The following ANKRD16 variants were observed in gnomAD, a reference collection of about 807,000 sequenced individuals.
ANKRD16 encodes ankyrin repeat domain 16.
In ANKRD16, 35 loss-of-function variants were observed where a neutral mutation model predicts 37.9. That is an observed-to-expected ratio of 0.92 (90% confidence interval 0.71 to 1.23). The LOEUF (loss-of-function observed/expected upper bound fraction) is 1.23, where lower values mean the gene tolerates loss of function less well. Among genes scored for constraint, ANKRD16 ranks in the 50% most tolerant of loss-of-function variants. The pLI is 0.00. For missense variants in ANKRD16, 480 were observed against 469.9 expected (o/e 1.02, Z -0.20); for synonymous variants, 206 against 197.2 (o/e 1.04, Z -0.37).
intron 1 of ANKRD16, among the ~76,000 whole-genome samples, chr10:5,888,520 A>G (rs1842494808): frequency 6.6e-6 from 1 of 152,200 alleles, no homozygotes; most frequent in Non-Finnish European, 1.5e-5. Flanking sequence ...ACGAAATGCA[A>G]TTGGCTTGTG....
intron 3 of ANKRD16, among the ~76,000 whole-genome samples, chr10:5,884,319 T>C (rs1351671172): frequency 6.6e-6 from 1 of 152,204 alleles, no homozygotes; most frequent in Non-Finnish European, 1.5e-5. Flanking sequence ...CAGCACTTGG[T>C]CTCTTCAGCT....
At chr10:5,873,720 C>T (rs1842140016) in intron 7 of ANKRD16, among the ~76,000 whole-genome samples, 1 of 152,152 alleles carries the variant, frequency 6.6e-6, no homozygotes, top group Admixed American at 6.6e-5. Context: ...AGCACCCTCC[C>T]TATAGTTCCC....
At chr10:5,884,903 T>C (rs1842391491) in intron 3 of ANKRD16, among the ~76,000 whole-genome samples, 1 of 152,210 alleles carries the variant, frequency 6.6e-6, no homozygotes, top group South Asian at 2.1e-4. Flanking sequence ...TATTGCTGTC[T>C]GGAATGGTCC....
chr10:5,872,157 T>G (rs1373613716), intron 7 of ANKRD16, among the ~76,000 whole-genome samples: 1 of 136,286 alleles, frequency 7.3e-6, no homozygotes, highest in Non-Finnish European at 1.6e-5. Flanking sequence ...TCACAAAGTT[T>G]TAAAGAGCAT....
intron 5 of ANKRD16, chr10:5,881,141 CT>C (rs1196363834): frequency 6.2e-5 from 55 of 893,570 alleles, no homozygotes; most frequent in Non-Finnish European, 7.2e-5. Flanking sequence ...ATTCTCAATT[CT>C]AATATAAATC....
intron 7 of ANKRD16, among the ~76,000 whole-genome samples, chr10:5,872,757 C>A (rs140869655): frequency 2.6e-5 from 4 of 151,854 alleles, no homozygotes; most frequent in East Asian, 2.0e-4. Flanking sequence ...GGGATTTCAC[C>A]GTGTTAGCCA....
At position 5,887,917 on chromosome 10, in the gene ANKRD16, G is replaced by C. The variant is rs148866244; in HGVS notation, c.465C>G (p.Tyr155Ter). 2 of 1,614,186 alleles carry C rather than the reference G, an allele frequency of 1.2e-6. No homozygotes were observed. The highest frequency in any genetic ancestry group is 1.7e-6 in the Non-Finnish European group (2 of 1,180,014). ...SREGDPLILQ[Y>*]LLTVCPGAWK... The stretch of plus-strand genomic sequence containing the variant: ...AGGCACCTGGGCAAACAGTGAGCAG[G>C]TACTGGAGGATCAGAGGGTCGCCTT... Residue 155 changes from tyrosine (Y) to a stop codon, truncating the protein, a stop_gained, in exon 2 of 8, where the codon TAC (tyrosine) becomes TAG (stop). Coordinates refer to ENST00000380094, the MANE Select transcript of ANKRD16 (RefSeq NM_019046.3). LOFTEE classifies it high-confidence loss of function.
rs190530338 is a variant in ANKRD16, at chr10:5,878,115, C to A, written c.*15G>T. 4.3e-6 allele frequency: 7 copies of A among 1,610,134 alleles called. No homozygotes were observed. In the Admixed American group the frequency reaches 1.2e-4, roughly 27 times the overall value. On this transcript the variant is annotated 3_prime_UTR_variant, in exon 7 of 8. Coordinates refer to ENST00000380094, the MANE Select transcript of ANKRD16 (RefSeq NM_019046.3). The surrounding 1 kb of genome is among the most constrained non-coding windows in gnomAD (Gnocchi z 5.1). The stretch of plus-strand genomic sequence containing the variant: ...GAATTACCATGCACTTTATTGCCTC[C>A]TCTTGGAAACATCCTTATGTCATTG...
Position 5,865,352 on chromosome 10 carries a change from G to A in ANKRD16, c.*34-2661C>T, listed in dbSNP as rs1234034387. On this transcript the variant is annotated intron_variant, in intron 7 of 7. Transcript: ENST00000380094. The surrounding 1 kb of genome is among the most constrained non-coding windows in gnomAD (Gnocchi z 4.7). ...CTGGGCCAGAAGCCCCCAACCAGATGATCCAACAACAGGACCGAGGGTGCC... is the reference window on the plus strand; with the variant it reads ...CTGGGCCAGAAGCCCCCAACCAGATAATCCAACAACAGGACCGAGGGTGCC... 6.6e-6 allele frequency among the ~76,000 whole-genome samples: 1 copy of A among 152,232 alleles called. No homozygotes were observed. The highest frequency in any genetic ancestry group is 1.5e-5 in the Non-Finnish European group (1 of 68,046).
At position 5,874,304 on chromosome 10, in the gene ANKRD16, C is replaced by T. The variant is rs756337590; in HGVS notation, c.*33+3793G>A. Among the ~76,000 whole-genome samples the T allele has an allele frequency of 4.1e-4, 63 of 152,252 alleles. No individual in the cohort carries two copies. The highest frequency in any genetic ancestry group is 7.6e-4 in the Non-Finnish European group (52 of 68,050). ...GGTGTTAGTTAAGGCAATCAGAAATCCTGGCAAGTGTAGTACGTGCTCTGG... is the reference window on the plus strand; with the variant it reads ...GGTGTTAGTTAAGGCAATCAGAAATTCTGGCAAGTGTAGTACGTGCTCTGG... On this transcript the variant is annotated intron_variant, in intron 7 of 7. Coordinates refer to ENST00000380094, the MANE Select transcript of ANKRD16 (RefSeq NM_019046.3). This position sits in a 1 kb window ranked among gnomAD's most constrained non-coding sequence, Gnocchi z 4.7.
rs1025268787 is a variant in ANKRD16, at chr10:5,871,365, C to T, written c.*33+6732G>A. On this transcript the variant is annotated intron_variant, in intron 7 of 7. Transcript: ENST00000380094. The surrounding 1 kb of genome is among the most constrained non-coding windows in gnomAD (Gnocchi z 4.5). ...TTGAGCCATTGCACTCTAGCCTGGG[C>T]GACAGAGCTAGACTCCAACTCAAAT... Among the ~76,000 whole-genome samples the T allele has an allele frequency of 3.3e-5, 5 of 150,636 alleles. No individual in the cohort carries two copies. The highest frequency in any genetic ancestry group is 2.0e-4 in the Admixed American group (3 of 14,992).
intron 7 of ANKRD16, 139 bp downstream of exon 7, chr10:5,877,958 C>T: frequency 1.1e-6 from 1 of 875,764 alleles, no homozygotes. Flanking sequence ...GGGAACTCAG[C>T]CCCCTGATCA....
At chr10:5,883,878 C>G in intron 4 of ANKRD16, 91 bp downstream of exon 4, 1 of 1,139,886 alleles carries the variant, frequency 8.8e-7, no homozygotes, top group South Asian at 1.5e-5. Flanking sequence ...GGAATGGAAC[C>G]TGGGATCTGA....
Position 5,883,123 on chromosome 10 carries a change from G to C in ANKRD16, c.732C>G (p.His244Gln), listed in dbSNP as rs749383097. 6.2e-7 allele frequency: 1 copy of C among 1,614,056 alleles called. No homozygotes were observed. The highest frequency in any genetic ancestry group is 8.5e-7 in the Non-Finnish European group (1 of 1,180,034). The change falls in exon 5 of 8, where the codon CAC becomes CAG. Residue 244 changes from histidine to glutamine, a missense_variant. Physicochemically the swap from His to Gln is conservative, Grantham distance 24 (BLOSUM62 0). Coordinates refer to ENST00000380094, the MANE Select transcript of ANKRD16 (RefSeq NM_019046.3). ...AEDSLGAQALHRAAVTGQDEA... is the reference protein window; with the variant it reads ...AEDSLGAQALQRAAVTGQDEA... ...CGTCCTGCCCTGTGACAGCTGCCCTGTGCAGAGCCTGGGCACCCAGGCTGT... is the reference window on the plus strand; with the variant it reads ...CGTCCTGCCCTGTGACAGCTGCCCTCTGCAGAGCCTGGGCACCCAGGCTGT...
At position 5,884,885 on chromosome 10, in the gene ANKRD16, G is replaced by A. The variant is rs764560387; in HGVS notation, c.579-808C>T. Among the ~76,000 whole-genome samples, 24 of 152,242 alleles carry A rather than the reference G, an allele frequency of 1.6e-4. No individual in the cohort carries two copies. In the Middle Eastern group the frequency reaches 0.014, roughly 86 times the overall value. On this transcript the variant is annotated intron_variant, in intron 3 of 7. Coordinates refer to ENST00000380094, the MANE Select transcript of ANKRD16 (RefSeq NM_019046.3). The stretch of plus-strand genomic sequence containing the variant: ...TTGTTCCTGGTTTGGAGCATCCGTG[G>A]GTGCTGTTATTGCTGTCTGGAATGG...
intron 5 of ANKRD16, among the ~76,000 whole-genome samples, chr10:5,882,265 C>T (rs566653244): frequency 5.3e-5 from 8 of 151,124 alleles, no homozygotes; most frequent in South Asian, 2.1e-4. Context: ...ACAAGTAGGC[C>T]GGGCATGGTG....
rs749640357 is a variant in ANKRD16, at chr10:5,865,422, G to GT, written c.*34-2732dup. Reference sequence around the variant, plus strand: ...TGTCATCACCCTCACTGAGCCCCAGGTATGTTTAACTATTGAGGGCCAGGA... The same window carrying GT: ...TGTCATCACCCTCACTGAGCCCCAGGTTATGTTTAACTATTGAGGGCCAGGA... On this transcript the variant is annotated intron_variant, in intron 7 of 7. Transcript: ENST00000380094. The surrounding 1 kb of genome is among the most constrained non-coding windows in gnomAD (Gnocchi z 4.7). Among the ~76,000 whole-genome samples, 2 of 152,166 alleles carry GT rather than the reference G, an allele frequency of 1.3e-5. No individual in the cohort carries two copies. The highest frequency in any genetic ancestry group is 2.9e-5 in the Non-Finnish European group (2 of 68,024).
In ANKRD16 at chr10:5,870,917, G is replaced by A. The variant is rs564482141; in HGVS notation, c.*33+7180C>T. On this transcript the variant is annotated intron_variant, in intron 7 of 7. Transcript: ENST00000380094. The surrounding 1 kb of genome is among the most constrained non-coding windows in gnomAD (Gnocchi z 5.0). ...TGCATCCACTCCCCGTGCTTTCCCAGGAGCGCCCAGGCCTGTCCTCAGTAT... is the reference window on the plus strand; with the variant it reads ...TGCATCCACTCCCCGTGCTTTCCCAAGAGCGCCCAGGCCTGTCCTCAGTAT... Among the ~76,000 whole-genome samples the A allele has an allele frequency of 2.0e-5, 3 of 152,298 alleles. No homozygotes were observed. Among genetic ancestry groups the A allele is most frequent in the Admixed American group, 2.0e-4 (3 of 15,296 alleles).
In ANKRD16 at chr10:5,863,458, G is replaced by A. The variant is rs1027282591; in HGVS notation, c.*34-767C>T. On this transcript the variant is annotated intron_variant, in intron 7 of 7. Transcript: ENST00000380094. The surrounding 1 kb of genome is among the most constrained non-coding windows in gnomAD (Gnocchi z 4.7). ...ACTCTGTAAAAATGTACCAATCAGC[G>A]CTCTGTGTCTAGCTAAAGGATTGTA... Among the ~76,000 whole-genome samples, 4 of 151,926 alleles carry A rather than the reference G, an allele frequency of 2.6e-5. No homozygotes were observed. The highest frequency in any genetic ancestry group is 9.7e-5 in the African/African-American group (4 of 41,332).
Sources: allele counts gnomAD v4.1 joint callset (sites outside exome capture counted in the v4.1 genomes callset), GRCh38; gene constraint gnomAD v4.1.1; non-coding constraint Gnocchi (gnomAD v3.1); transcripts MANE v1.5; gene names NCBI Gene and HGNC (gene_info 2026-07-23, HGNC 2026-07-21).